Variants in FUT9 observed in about 807,000 individuals in gnomAD.
The protein encoded by FUT9 is 4-galactosyl-N-acetylglucosaminide 3-alpha-L-fucosyltransferase 9.
In FUT9, 15 loss-of-function variants were observed where a neutral mutation model predicts 29.7. That is an observed-to-expected ratio of 0.51 (90% CI 0.34 to 0.78). FUT9 has a LOEUF of 0.78. Among genes scored for constraint, FUT9 ranks in the 30% least tolerant of loss-of-function variants. FUT9 has a pLI of 0.01. For missense variants in FUT9, 319 were observed against 425.4 expected (o/e 0.75, Z 2.20); for synonymous variants, 169 against 153.7 (o/e 1.10, Z -0.74).
chr6:96,092,070 T>C (rs1198698743), intron 1 of FUT9, among the ~76,000 whole-genome samples: 2 of 152,086 alleles, frequency 1.3e-5, no homozygotes, highest in Non-Finnish European at 2.9e-5. Flanking sequence ...TAGTATACTA[T>C]GACAAAGTAG....
At chr6:96,064,975 C>T (rs9322635) in intron 1 of FUT9, among the ~76,000 whole-genome samples, 84,556 of 151,998 alleles carry the variant, frequency 0.56, 23,632 homozygotes, top group South Asian at 0.64. Context: ...ACACAATACT[C>T]TAAACAGTAA....
At chr6:96,079,607 A>G (rs1158182948) in intron 1 of FUT9, among the ~76,000 whole-genome samples, 2 of 152,184 alleles carry the variant, frequency 1.3e-5, no homozygotes, top group African/African-American at 4.8e-5. Flanking sequence ...CGATATTGGC[A>G]TCACCAGTTT....
At chr6:96,052,086 G>A (rs1461320092) in intron 1 of FUT9, among the ~76,000 whole-genome samples, 1 of 152,136 alleles carries the variant, frequency 6.6e-6, no homozygotes, top group Non-Finnish European at 1.5e-5. Flanking sequence ...CAATCATGGT[G>A]GAAGGGGAAG....
At chr6:96,187,528 A>G (rs899265615) in intron 2 of FUT9, among the ~76,000 whole-genome samples, 3 of 151,928 alleles carry the variant, frequency 2.0e-5, no homozygotes, top group Non-Finnish European at 4.4e-5. Flanking sequence ...TCCATATAAA[A>G]CTCCTGTGGT....
intron 1 of FUT9, among the ~76,000 whole-genome samples, chr6:96,019,672 C>T (rs895701877): frequency 1.3e-5 from 2 of 152,022 alleles, no homozygotes; most frequent in Non-Finnish European, 2.9e-5. Flanking sequence ...AAATTCCTAA[C>T]AGAAACATTT....
intron 2 of FUT9, among the ~76,000 whole-genome samples, chr6:96,181,903 C>CT (rs1045325716): frequency 1.3e-5 from 2 of 151,996 alleles, no homozygotes; most frequent in African/African-American, 4.8e-5. Flanking sequence ...GTGCAAGTAT[C>CT]TTTTTTGTAT....
intron 1 of FUT9, among the ~76,000 whole-genome samples, chr6:96,076,259 G>A (rs1411357240): frequency 6.6e-6 from 1 of 152,130 alleles, no homozygotes; most frequent in East Asian, 1.9e-4. Flanking sequence ...ACTATTTTGG[G>A]CTGGGATATA....
intron 2 of FUT9, among the ~76,000 whole-genome samples, chr6:96,172,049 G>A (rs978263190): frequency 6.6e-6 from 1 of 152,116 alleles, no homozygotes; most frequent in Non-Finnish European, 1.5e-5. Flanking sequence ...AGAGTTCCAG[G>A]GGCTGGAAGT....
chr6:96,146,164 G>A (rs1772563915), intron 2 of FUT9, among the ~76,000 whole-genome samples: 3 of 152,114 alleles, frequency 2.0e-5, no homozygotes, highest in Admixed American at 2.0e-4. Flanking sequence ...AGTGAGATGG[G>A]AAGGAGTGGT....
At chr6:96,197,482 G>A (rs1438738521) in intron 2 of FUT9, among the ~76,000 whole-genome samples, 1 of 152,090 alleles carries the variant, frequency 6.6e-6, no homozygotes, top group Non-Finnish European at 1.5e-5. Flanking sequence ...CCTTCAATTT[G>A]TCAGTGATTC....
chr6:96,141,125 T>G (rs894076981), intron 2 of FUT9, among the ~76,000 whole-genome samples: 3 of 152,214 alleles, frequency 2.0e-5, no homozygotes, highest in Non-Finnish European at 2.9e-5. Context: ...GCATTATGTT[T>G]GTGACAAGTT....
At chr6:96,029,947 A>G (rs1218390363) in intron 1 of FUT9, among the ~76,000 whole-genome samples, 1 of 151,626 alleles carries the variant, frequency 6.6e-6, no homozygotes, top group East Asian at 1.9e-4. Context: ...ACCAACAACA[A>G]TCCCAAATAT....
At chr6:96,093,899 G>A (rs1481532939) in intron 1 of FUT9, among the ~76,000 whole-genome samples, 6 of 152,214 alleles carry the variant, frequency 3.9e-5, no homozygotes, top group Middle Eastern at 3.4e-3. Flanking sequence ...TACAGCAGCA[G>A]AGTCAAAAAT....
chr6:96,210,060 C>T lies in FUT9; in HGVS notation c.*5825C>T, dbSNP rs886581040. On this transcript the variant is annotated 3_prime_UTR_variant, in exon 3 of 3. Coordinates refer to ENST00000302103, the MANE Select transcript of FUT9 (RefSeq NM_006581.4). ...TTGAAATATTGTTAATAATACACAG[C>T]TTCTGAATCTCTGGGTGTGAGATGG... The T allele has an allele frequency of 6.0e-6, 1 of 166,796 alleles. No individual in the cohort carries two copies. Among genetic ancestry groups the T allele is most frequent in the Non-Finnish European group, 1.5e-5 (1 of 68,034 alleles). The allele number at this position is 166,796 out of a possible 1,614,324, so 10.3% of individuals were successfully genotyped here.
At chr6:96,192,822 A>C (rs369586839) in intron 2 of FUT9, among the ~76,000 whole-genome samples, 2 of 152,058 alleles carry the variant, frequency 1.3e-5, no homozygotes, top group Non-Finnish European at 2.9e-5. Flanking sequence ...GCTACAGTAA[A>C]CAAAACAGCA....
chr6:96,067,267 T>C (rs999014479), intron 1 of FUT9, among the ~76,000 whole-genome samples: 17 of 151,646 alleles, frequency 1.1e-4, no homozygotes, highest in African/African-American at 3.9e-4. Flanking sequence ...TAATAAGTAA[T>C]CATTACAACT....
In FUT9 at chr6:96,208,011, G is replaced by C. The variant is rs1414401106; in HGVS notation, c.*3776G>C. The C allele has an allele frequency of 1.2e-5, 2 of 166,676 alleles. No individual in the cohort carries two copies. The highest frequency in any genetic ancestry group is 2.9e-5 in the Non-Finnish European group (2 of 67,966). 10.3% of individuals were successfully genotyped at this position (166,676 alleles called of 1,614,324 possible). Reference sequence around the variant, plus strand: ...TCATCTTAGTGGGAAACAAATACATGCTTAAAATTGTTATATTTACTGTAA... The same window carrying C: ...TCATCTTAGTGGGAAACAAATACATCCTTAAAATTGTTATATTTACTGTAA... On this transcript the variant is annotated 3_prime_UTR_variant, in exon 3 of 3. Transcript: ENST00000302103.
intron 1 of FUT9, among the ~76,000 whole-genome samples, chr6:96,077,592 G>A (rs1181850336): frequency 6.6e-6 from 1 of 152,038 alleles, no homozygotes; most frequent in Non-Finnish European, 1.5e-5. Context: ...TGGATTGATT[G>A]TTCTTTAGTC....
At chr6:96,066,494 G>C (rs9322639) in intron 1 of FUT9, among the ~76,000 whole-genome samples, 84,241 of 151,582 alleles carry the variant, frequency 0.56, 23,513 homozygotes, top group South Asian at 0.64. Context: ...GTACTGACAG[G>C]GCTATTGTCA....
Sources: allele counts gnomAD v4.1 joint callset (sites outside exome capture counted in the v4.1 genomes callset), GRCh38; gene constraint gnomAD v4.1.1; transcripts MANE v1.5; gene names NCBI Gene and HGNC (gene_info 2026-07-23, HGNC 2026-07-21).